The following TUBGCP3 variants were observed in gnomAD, a reference collection of about 807,000 sequenced individuals.
TUBGCP3 encodes the protein tubulin gamma complex component 3.
In TUBGCP3, 50 loss-of-function variants were observed where a neutral mutation model predicts 123.1. The ratio of observed to expected loss-of-function variants is 0.41; its 90% CI spans 0.32 to 0.51. The LOEUF (loss-of-function observed/expected upper bound fraction) is 0.51, where lower values mean the gene tolerates loss of function less well. Ranked by LOEUF, TUBGCP3 falls within the 20% of genes least tolerant of loss-of-function variation. TUBGCP3 has a pLI of 0.36. For synonymous variants in TUBGCP3, 405 were observed against 413.9 expected, an observed-to-expected ratio of 0.98 and a Z score of 0.26; for missense variants, 882 against 1,127.0, an observed-to-expected ratio of 0.78 and a Z score of 3.11.
intron 19 of TUBGCP3, among the ~76,000 whole-genome samples, chr13:112,501,674 A>T (rs182560945): frequency 0.018 from 2,676 of 151,674 alleles, 79 homozygotes; most frequent in African/African-American, 0.062. Context: ...GGGTTTATTT[A>T]TTTTTTTTTA....
chr13:112,543,539 G>C (rs1205355985), intron 11 of TUBGCP3, among the ~76,000 whole-genome samples: 1 of 152,064 alleles, frequency 6.6e-6, no homozygotes, highest in African/African-American at 2.4e-5. Flanking sequence ...AAGAACAAAA[G>C]GTAAGTACTG....
In TUBGCP3 at chr13:112,569,332, A is replaced by C; in HGVS notation, c.77-73T>G. On this transcript the variant is annotated intron_variant, in intron 1 of 21. Coordinates refer to ENST00000261965, the MANE Select transcript of TUBGCP3 (RefSeq NM_006322.6). ...TCTGGTCACCTGAAGCTTCCAGTTC[A>C]AGACAGTGAACTAGTAATAACATCT... 3 of 1,393,602 alleles carry C rather than the reference A, an allele frequency of 2.2e-6. No homozygotes were observed. In the South Asian group the frequency reaches 3.6e-5, roughly 17 times the overall value. The allele number at this position is 1,393,602 out of a possible 1,614,324, so 86.3% of individuals were successfully genotyped here.
At chr13:112,518,799 A>G (rs2182267) in intron 16 of TUBGCP3, among the ~76,000 whole-genome samples, 176 bp downstream of exon 16, 13,566 of 152,282 alleles carry the variant, frequency 0.089, 1,574 homozygotes, top group African/African-American at 0.26. Flanking sequence ...GTACTCATTA[A>G]TAATCATTTA....
intron 8 of TUBGCP3, among the ~76,000 whole-genome samples, chr13:112,552,748 A>ACTCCTCCCCACCAGCCACG (rs1267454218): frequency 2.0e-5 from 3 of 148,790 alleles, no homozygotes; most frequent in African/African-American, 5.0e-5. Context: ...GCCACAGCAC[A>ACTCCTCCCCACCAGCCACG]CTCCTCCCCA....
chr13:112,508,717 T>A lies in TUBGCP3; in HGVS notation c.2087-4003A>T, dbSNP rs1225589448. ...TTAGCGTATTTGAATGGAATCACTA[T>A]CCCCCCCAAAGAAGCTCTTCCTCCA... is the stretch of plus-strand genomic sequence containing the variant. On this transcript the variant is annotated intron_variant, in intron 17 of 21. Coordinates refer to ENST00000261965, the MANE Select transcript of TUBGCP3 (RefSeq NM_006322.6). This position sits in a 1 kb window ranked among gnomAD's most constrained non-coding sequence, Gnocchi z 4.2. Among the ~76,000 whole-genome samples, 3 of 151,194 alleles carry A rather than the reference T, an allele frequency of 2.0e-5. No homozygotes were observed. Among genetic ancestry groups the A allele is most frequent in the African/African-American group, 7.4e-5 (3 of 40,698 alleles).
In TUBGCP3 at chr13:112,561,099, G is replaced by A. The variant is rs573702197; in HGVS notation, c.253-1700C>T. ...AAGACAACAGCAGGAAGCCTGCGAA[G>A]GACGTCCTAGGCAGAGGCACCATCA... is the stretch of plus-strand genomic sequence containing the variant. On this transcript the variant is annotated intron_variant, in intron 3 of 21. Transcript: ENST00000261965. Among the ~76,000 whole-genome samples the A allele has an allele frequency of 7.2e-5, 11 of 152,354 alleles. No individual in the cohort carries two copies. In the East Asian group the frequency reaches 2.1e-3, roughly 29 times the overall value.
In TUBGCP3 at chr13:112,508,308, G is replaced by A. The variant is rs994444214; in HGVS notation, c.2087-3594C>T. Among the ~76,000 whole-genome samples the A allele has an allele frequency of 2.4e-4, 36 of 151,962 alleles. No homozygotes were observed. The highest frequency in any genetic ancestry group is 2.2e-3 in the Admixed American group (34 of 15,264). ...CAGCCTCCCCCTCCTTCTCCATATCGGCATCTCAAACAGCCTTCCAACAAA... is the reference window on the plus strand; with the variant it reads ...CAGCCTCCCCCTCCTTCTCCATATCAGCATCTCAAACAGCCTTCCAACAAA... On this transcript the variant is annotated intron_variant, in intron 17 of 21. Transcript: ENST00000261965. The surrounding 1 kb of genome is among the most constrained non-coding windows in gnomAD (Gnocchi z 4.2).
At chr13:112,566,735 A>C (rs770351409) in intron 2 of TUBGCP3, among the ~76,000 whole-genome samples, 1 of 152,244 alleles carries the variant, frequency 6.6e-6, no homozygotes, top group African/African-American at 2.4e-5. Context: ...ACAGCACAAT[A>C]AAATAAGAAT....
intron 3 of TUBGCP3, among the ~76,000 whole-genome samples, chr13:112,563,010 C>T (rs1594206161): frequency 2.0e-5 from 3 of 152,170 alleles, no homozygotes; most frequent in South Asian, 2.1e-4. Flanking sequence ...GAGTCCTGCC[C>T]GGGCAGTGCA....
chr13:112,581,191 ACCC>A (rs900544941), intron 1 of TUBGCP3, among the ~76,000 whole-genome samples: 1 of 150,320 alleles, frequency 6.7e-6, no homozygotes, highest in Admixed American at 6.6e-5. Flanking sequence ...AAGGACTCAC[ACCC>A]CCCCATCTTT....
chr13:112,585,313 G>T (rs188600619), intron 1 of TUBGCP3, among the ~76,000 whole-genome samples: 10 of 152,218 alleles, frequency 6.6e-5, no homozygotes, highest in African/African-American at 2.2e-4. Context: ...GCTCACTAAG[G>T]TATAACAAAT....
intron 11 of TUBGCP3, among the ~76,000 whole-genome samples, chr13:112,540,600 C>T (rs1411661548): frequency 6.9e-6 from 1 of 145,734 alleles, no homozygotes; most frequent in Non-Finnish European, 1.5e-5. Flanking sequence ...AGCCTATGAG[C>T]ATTCAGGTGG....
Position 112,511,801 on chromosome 13 carries a change from T to C in TUBGCP3, c.2086+4639A>G, listed in dbSNP as rs1238147325. Among the ~76,000 whole-genome samples, 4 of 152,082 alleles carry C rather than the reference T, an allele frequency of 2.6e-5. No homozygotes were observed. In the East Asian group the frequency reaches 7.7e-4, roughly 29 times the overall value. The stretch of plus-strand genomic sequence containing the variant: ...TCTCAGGCTGCTCTCCACTATACAC[T>C]AGGGAGGTTTGACTGTGGTATCTCC... On this transcript the variant is annotated intron_variant, in intron 17 of 21. Coordinates refer to ENST00000261965, the MANE Select transcript of TUBGCP3 (RefSeq NM_006322.6). This position sits in a 1 kb window ranked among gnomAD's most constrained non-coding sequence, Gnocchi z 4.1.
chr13:112,574,573 C>T lies in TUBGCP3; in HGVS notation c.77-5314G>A, dbSNP rs117694653. 5.9e-3 allele frequency among the ~76,000 whole-genome samples: 899 copies of T among 152,294 alleles called. 18 individuals carry two copies. In the East Asian group the frequency reaches 0.068, roughly 12 times the overall value. ...TGGTGAAACAGAAACTGAAGAATCC[C>T]TGAAAGATGTAAAGAAAACAAACAG... On this transcript the variant is annotated intron_variant, in intron 1 of 21. Transcript: ENST00000261965.
chr13:112,516,099 T>G (rs1180022780), intron 17 of TUBGCP3, among the ~76,000 whole-genome samples: 1 of 152,114 alleles, frequency 6.6e-6, no homozygotes, highest in Non-Finnish European at 1.5e-5. Context: ...TAGTTTTAGA[T>G]TGTTTTAAAT....
At chr13:112,567,620 C>A (rs1039600951) in intron 2 of TUBGCP3, among the ~76,000 whole-genome samples, 8 of 152,196 alleles carry the variant, frequency 5.3e-5, no homozygotes, top group Non-Finnish European at 7.3e-5. Flanking sequence ...TACATGCACA[C>A]TCAGCAACAC....
At chr13:112,487,134 C>G in intron 21 of TUBGCP3, among the ~76,000 whole-genome samples, 1 of 151,750 alleles carries the variant, frequency 6.6e-6, no homozygotes, top group South Asian at 2.1e-4. Context: ...GGAAGAAGAA[C>G]ACGCCTAAGA....
intron 14 of TUBGCP3, 54 bp from the exon 15 acceptor site, chr13:112,520,075 T>G: frequency 6.5e-7 from 1 of 1,536,314 alleles, no homozygotes; most frequent in Non-Finnish European, 8.8e-7. Context: ...CTTAATGAAC[T>G]TTAAAAAACG....
At chr13:112,557,002 G>A (rs989348612) in intron 5 of TUBGCP3, among the ~76,000 whole-genome samples, 1 of 151,900 alleles carries the variant, frequency 6.6e-6, no homozygotes, top group Admixed American at 6.6e-5. Context: ...ATACTGGGGG[G>A]GTTTATCCAT....
Sources: gnomAD v4.1 joint callset for allele counts (sites outside exome capture counted in the v4.1 genomes callset) on GRCh38, gnomAD v4.1.1 for gene constraint, Gnocchi (gnomAD v3.1) non-coding constraint, MANE v1.5 for transcripts, NCBI Gene and HGNC (gene_info 2026-07-23, HGNC 2026-07-21) for gene names.